HMGXB4: variants seen among roughly 807,000 people sequenced by gnomAD.
HMGXB4 encodes HMG-box containing 4.
Under a neutral mutation model 63.9 loss-of-function variants are expected in HMGXB4, and 27 were observed. The observed-to-expected ratio is 0.42, with a 90% CI of 0.31 to 0.58. The LOEUF (loss-of-function observed/expected upper bound fraction) is 0.58. Ranked by LOEUF, HMGXB4 falls within the 20% of genes least tolerant of loss-of-function variation. The pLI is 0.13. For missense variants in HMGXB4, 624 were observed against 700.7 expected (o/e 0.89, Z 1.24); for synonymous variants, 264 against 265.3 (o/e 0.99, Z 0.05).
At chr22:35,256,043 C>T (rs1359541753), upstream of HMGXB4, among the ~76,000 whole-genome samples, 1 of 152,200 alleles carries the variant, frequency 6.6e-6, no homozygotes, top group Non-Finnish European at 1.5e-5. Context: ...ATCTCAGCAT[C>T]TCACAGTTGT....
chr22:35,264,616 A>G (rs758006915), intron 4 of HMGXB4, 32 bp from the exon 5 acceptor site: 2 of 1,476,582 alleles, frequency 1.4e-6, no homozygotes, highest in South Asian at 1.4e-5. Context: ...GCTTCCCATC[A>G]TATTGACAGT....
In HMGXB4 at chr22:35,277,556, C is replaced by T. The variant is rs1167705459; in HGVS notation, c.1216-6406C>T. ...AAGAGATGGGGTTTCACCATATTGG[C>T]CAGGCTGTCTTGAACTGCTGACCTC... On this transcript the variant is annotated intron_variant, in intron 5 of 10. Transcript: ENST00000216106. Among the ~76,000 whole-genome samples the T allele has an allele frequency of 3.3e-5, 5 of 152,270 alleles. No homozygotes were observed. The East Asian group carries it at 9.6e-4, about 29-fold the overall frequency.
chr22:35,264,221 A>C (rs1923047516), intron 4 of HMGXB4: 1 of 505,688 alleles, frequency 2.0e-6, no homozygotes, highest in Non-Finnish European at 3.6e-6. Flanking sequence ...GTATATATCC[A>C]CTCACAGAAC....
upstream of HMGXB4, among the ~76,000 whole-genome samples, chr22:35,256,268 C>T (rs1249147639): frequency 6.6e-6 from 1 of 152,172 alleles, no homozygotes; most frequent in African/African-American, 2.4e-5. Context: ...TACACTAGGA[C>T]AGAGGTTCTT....
At chr22:35,245,490 C>T in the HMGXB4 span, among the ~76,000 whole-genome samples, 3 of 151,710 alleles carry the variant, frequency 2.0e-5, no homozygotes, top group African/African-American at 7.3e-5. Context: ...ATGATGGCTG[C>T]TTTAATATCT....
upstream of HMGXB4, among the ~76,000 whole-genome samples, chr22:35,256,779 G>A (rs1273845603): frequency 6.6e-6 from 1 of 152,210 alleles, no homozygotes; most frequent in Non-Finnish European, 1.5e-5. Flanking sequence ...GGGATTACAG[G>A]CGTGAGCCAC....
Position 35,263,824 on chromosome 22 carries a change from A to G in HMGXB4, c.209A>G (p.Asp70Gly). 1.2e-6 allele frequency: 2 copies of G among 1,613,368 alleles called. No individual in the cohort carries two copies. The highest frequency in any genetic ancestry group is 1.7e-6 in the Non-Finnish European group (2 of 1,179,298). ...KDSELYFLGT[D>G]THKKKRKHSS... ...AGTGAACTTTACTTCTTGGGGACGG[A>G]CACACACAAGAAGAAGAGGAAGCAC... The change falls in exon 4 of 11, where the codon GAC becomes GGC. Residue 70 changes from aspartate to glycine, a missense_variant. Asp to Gly is a moderately conservative substitution (Grantham distance 94). This residue lies in a region of HMGXB4 where 472 missense variants were observed against 470.6 expected (regional missense o/e 1.00). Transcript: ENST00000216106.
intron 5 of HMGXB4, among the ~76,000 whole-genome samples, chr22:35,279,656 G>T (rs1924125195): frequency 6.8e-6 from 1 of 146,872 alleles, no homozygotes; most frequent in Admixed American, 6.8e-5. Context: ...TGTGAAGGGG[G>T]TGAGGTCTGT....
In HMGXB4 at chr22:35,262,408, C is replaced by T; in HGVS notation, c.18C>T (p.Ser6=). Residue 6 remains serine, a synonymous_variant, in exon 2 of 11, where the codon TCC becomes TCT. Transcript: ENST00000216106. MAYDD[S]VKKEDCFDGD... ...GGACCACCATGGCTTATGATGACTC[C>T]GTGAAGAAAGAAGGTATGACCCCAT... 12 of 1,613,946 alleles carry T rather than the reference C, an allele frequency of 7.4e-6. No homozygotes were observed. The highest frequency in any genetic ancestry group is 1.0e-5 in the Non-Finnish European group (12 of 1,179,862).
At chr22:35,248,179 C>A in the HMGXB4 span, among the ~76,000 whole-genome samples, 293 of 152,276 alleles carry the variant, frequency 1.9e-3, 2 homozygotes, top group African/African-American at 6.9e-3. Context: ...AAATGGTACA[C>A]CCGTATAGGG....
At chr22:35,245,168 G>A in the HMGXB4 span, among the ~76,000 whole-genome samples, 6 of 152,056 alleles carry the variant, frequency 3.9e-5, no homozygotes, top group Non-Finnish European at 7.4e-5. Context: ...CACTGCACCC[G>A]GCCCATATTG....
At chr22:35,272,557 A>G (rs1923670298) in intron 5 of HMGXB4, among the ~76,000 whole-genome samples, 1 of 152,214 alleles carries the variant, frequency 6.6e-6, no homozygotes, top group South Asian at 2.1e-4. Context: ...GAAGCTTTTC[A>G]TTTATATAGG....
At chr22:35,243,429 G>A in the HMGXB4 span, among the ~76,000 whole-genome samples, 1 of 152,168 alleles carries the variant, frequency 6.6e-6, no homozygotes, top group African/African-American at 2.4e-5. Flanking sequence ...GACACACCCA[G>A]AAATAACACT....
At position 35,262,303 on chromosome 22, in the gene HMGXB4, T is replaced by C; in HGVS notation, c.-68-20T>C. ...CAGTGATTTCGCATTACAGGAGGGT[T>C]TTCCTTCTTTGTTTCTCAGACCTGG... On this transcript the variant is annotated intron_variant, in intron 1 of 10. Coordinates refer to ENST00000216106, the MANE Select transcript of HMGXB4 (RefSeq NM_001003681.3). 1 of 1,385,092 alleles carries C rather than the reference T, an allele frequency of 7.2e-7. No individual in the cohort carries two copies. Among genetic ancestry groups the C allele is most frequent in the African/African-American group, 1.4e-5 (1 of 70,360 alleles). 85.8% of individuals were successfully genotyped at this position (1,385,092 alleles called of 1,614,324 possible). A position where few individuals can be genotyped will look rare whatever the true frequency, so the allele number is the denominator to read the frequency against.
At chr22:35,293,495 T>C (rs770899814) in intron 10 of HMGXB4, 112 bp from the exon 11 acceptor site, 2 of 739,470 alleles carry the variant, frequency 2.7e-6, no homozygotes, top group Non-Finnish European at 2.4e-6. Flanking sequence ...CATTCTCACC[T>C]GTTTTTCTAA....
At chr22:35,248,479 T>C in the HMGXB4 span, among the ~76,000 whole-genome samples, 1 of 132,230 alleles carries the variant, frequency 7.6e-6, no homozygotes, top group South Asian at 2.5e-4. Context: ...CAATCACAGC[T>C]CACCGTAGTC....
chr22:35,246,878 A>G, the HMGXB4 span, among the ~76,000 whole-genome samples: 1 of 152,228 alleles, frequency 6.6e-6, no homozygotes, highest in African/African-American at 2.4e-5. Flanking sequence ...TCCTGGAACC[A>G]GATGACTTCT....
chr22:35,256,480 GA>G (rs936591004), upstream of HMGXB4, among the ~76,000 whole-genome samples: 4 of 152,028 alleles, frequency 2.6e-5, no homozygotes, highest in African/African-American at 9.7e-5. Context: ...AACTGTACTA[GA>G]AAAATAAGTT....
intron 5 of HMGXB4, among the ~76,000 whole-genome samples, chr22:35,267,074 A>G (rs924815841): frequency 4.6e-5 from 7 of 151,402 alleles, no homozygotes; most frequent in Non-Finnish European, 7.4e-5. Context: ...GGTGCCTTTT[A>G]AGAAAGTCTG....
Sources: allele counts gnomAD v4.1 joint callset (sites outside exome capture counted in the v4.1 genomes callset), GRCh38; gene constraint gnomAD v4.1.1; regional missense constraint gnomAD v4.1.1; transcripts MANE v1.5; gene names NCBI Gene and HGNC (gene_info 2026-07-23, HGNC 2026-07-21).